Variants in CDH4 observed in about 807,000 individuals in gnomAD.
CDH4 encodes the protein cadherin-4.
A neutral mutation model predicts 86.0 loss-of-function variants in CDH4; 33 were observed. The ratio of observed to expected loss-of-function variants is 0.38; its 90% CI spans 0.29 to 0.51. CDH4 has a LOEUF of 0.51. Ranked by LOEUF, CDH4 falls within the 20% of genes least tolerant of loss-of-function variation. The pLI, the probability that CDH4 is intolerant of heterozygous loss-of-function variation, is 0.86. For missense variants in CDH4, 1,114 were observed against 1,307.4 expected, an observed-to-expected ratio of 0.85 and a Z score of 2.28; for synonymous variants, 555 against 549.4, an observed-to-expected ratio of 1.01 and a Z score of -0.14.
rs772539269 is a variant in CDH4 at position 61,480,706 on chromosome 20, G to A, written c.169+225769G>A. Among the ~76,000 whole-genome samples the A allele has an allele frequency of 1.3e-5, 2 of 152,254 alleles. No homozygotes were observed. The highest frequency in any genetic ancestry group is 2.9e-5 in the Non-Finnish European group (2 of 68,048). ...GGGCATCCGGGTTGTGCCCTGGTAA[G>A]GCGTTGGAACGGCTGAGGCCTGTGG... On this transcript the variant is annotated intron_variant, in intron 2 of 15. Transcript: ENST00000614565. The surrounding 1 kb of genome is among the most constrained non-coding windows in gnomAD (Gnocchi z 5.2).
At chr20:61,378,902 C>G (rs914158999) in intron 2 of CDH4, among the ~76,000 whole-genome samples, 1 of 152,168 alleles carries the variant, frequency 6.6e-6, no homozygotes, top group African/African-American at 2.4e-5. Context: ...TCATCACAAC[C>G]AAGACATTGA....
In CDH4 at chr20:61,845,716, G is replaced by T. The variant is rs190305884; in HGVS notation, c.732+893G>T. Among the ~76,000 whole-genome samples, 620 of 152,304 alleles carry T rather than the reference G, an allele frequency of 4.1e-3. 18 individuals are homozygous for T. Among genetic ancestry groups the T allele is most frequent in the Admixed American group, 0.035 (528 of 15,304 alleles). On this transcript the variant is annotated intron_variant, in intron 5 of 15. Transcript: ENST00000614565. ...GGACTCCAGGGTTAACCCTGGTGAGGCGTTCAGCACAAGCCCGTGCTGTCA... is the reference window on the plus strand; with the variant it reads ...GGACTCCAGGGTTAACCCTGGTGAGTCGTTCAGCACAAGCCCGTGCTGTCA...
intron 5 of CDH4, among the ~76,000 whole-genome samples, chr20:61,845,343 G>A (rs879756494): frequency 2.0e-5 from 3 of 152,248 alleles, no homozygotes; most frequent in African/African-American, 4.8e-5. Context: ...GGAGAGCCGC[G>A]CTGATTCCCT....
intron 2 of CDH4, among the ~76,000 whole-genome samples, chr20:61,440,130 A>G (rs2085306626): frequency 6.6e-6 from 1 of 152,252 alleles, no homozygotes; most frequent in Non-Finnish European, 1.5e-5. Context: ...CGCTATCTTC[A>G]TCATGAAGAT....
rs1026906418 is a variant in CDH4 at position 61,663,262 on chromosome 20, C to T, written c.170-80301C>T. Among the ~76,000 whole-genome samples the T allele has an allele frequency of 1.3e-5, 2 of 152,188 alleles. No homozygotes were observed. The highest frequency in any genetic ancestry group is 1.9e-4 in the East Asian group (1 of 5,190). On this transcript the variant is annotated intron_variant, in intron 2 of 15. Transcript: ENST00000614565. This position sits in a 1 kb window ranked among gnomAD's most constrained non-coding sequence, Gnocchi z 5.0. ...AGAGGAGCTTTCATCGAGGGCTTGGCGCCCACGACAAATGAGTCCACGCAG... is the reference window on the plus strand; with the variant it reads ...AGAGGAGCTTTCATCGAGGGCTTGGTGCCCACGACAAATGAGTCCACGCAG...
At chr20:61,390,098 GTA>G in intron 2 of CDH4, among the ~76,000 whole-genome samples, 1 of 150,406 alleles carries the variant, frequency 6.6e-6, no homozygotes, top group African/African-American at 2.5e-5. Flanking sequence ...AGTTGAGATC[GTA>G]TGGTCATAGG....
chr20:61,795,323 A>G (rs926079101), intron 4 of CDH4, among the ~76,000 whole-genome samples: 2 of 151,790 alleles, frequency 1.3e-5, no homozygotes, highest in African/African-American at 2.4e-5. Flanking sequence ...TTTCTTCACC[A>G]TAGTATCCTG....
intron 2 of CDH4, among the ~76,000 whole-genome samples, chr20:61,395,742 C>T (rs536876325): frequency 6.9e-4 from 105 of 152,232 alleles, no homozygotes; most frequent in African/African-American, 2.4e-3. Context: ...ATGGCGTCAC[C>T]GCATTCCAGC....
At chr20:61,300,684 C>T (rs572131116) in intron 2 of CDH4, among the ~76,000 whole-genome samples, 79 of 152,330 alleles carry the variant, frequency 5.2e-4, no homozygotes, top group African/African-American at 1.9e-3. Flanking sequence ...GCCCCCACAC[C>T]CAGCCTTCCT....
chr20:61,687,905 G>T (rs1047747328), intron 2 of CDH4, among the ~76,000 whole-genome samples: 3 of 152,206 alleles, frequency 2.0e-5, no homozygotes, highest in Non-Finnish European at 4.4e-5. Context: ...GGGTTTTTTA[G>T]TATTCAGGTC....
chr20:61,359,507 A>G (rs1220625620), intron 2 of CDH4, among the ~76,000 whole-genome samples: 1 of 152,182 alleles, frequency 6.6e-6, no homozygotes, highest in Non-Finnish European at 1.5e-5. Context: ...TCCACGCGGC[A>G]GGTTTGAAGG....
At chr20:61,809,975 T>C (rs1980346390) in intron 4 of CDH4, among the ~76,000 whole-genome samples, 1 of 152,146 alleles carries the variant, frequency 6.6e-6, no homozygotes, top group Admixed American at 6.5e-5. Context: ...CTGGCTGCCC[T>C]GTAGAAGACC....
Position 61,811,440 on chromosome 20 carries a change from A to G in CDH4, c.577-33228A>G, listed in dbSNP as rs886373172. Among the ~76,000 whole-genome samples, 4 of 152,212 alleles carry G rather than the reference A, an allele frequency of 2.6e-5. No individual in the cohort carries two copies. The highest frequency in any genetic ancestry group is 9.7e-5 in the African/African-American group (4 of 41,448). On this transcript the variant is annotated intron_variant, in intron 4 of 15. Transcript: ENST00000614565. This position sits in a 1 kb window ranked among gnomAD's most constrained non-coding sequence, Gnocchi z 4.4. The stretch of plus-strand genomic sequence containing the variant: ...TTTGACAATCTGAAGCAAGGAAAAA[A>G]CAGCAGACATCTATCTGTATGCTTT...
chr20:61,367,867 C>CTTTTTTTT, intron 2 of CDH4, among the ~76,000 whole-genome samples: 1 of 119,078 alleles, frequency 8.4e-6, no homozygotes, highest in Non-Finnish European at 1.7e-5. Flanking sequence ...TCTCCAGGAT[C>CTTTTTTTT]TTTTTTTTTT....
In CDH4 at chr20:61,700,920, A is replaced by G. The variant is rs2087768688; in HGVS notation, c.170-42643A>G. On this transcript the variant is annotated intron_variant, in intron 2 of 15. Transcript: ENST00000614565. ...ACGGCGGCTCCCCCCTTTTTTGCAG[A>G]ACACTTTCAAAGGTGTATTCGTGTT... Among the ~76,000 whole-genome samples the G allele has an allele frequency of 2.0e-5, 3 of 152,252 alleles. No individual in the cohort carries two copies. In the South Asian group the frequency reaches 6.2e-4, roughly 32 times the overall value.
At position 61,286,932 on chromosome 20, in the gene CDH4, G is replaced by A. The variant is rs1398670758; in HGVS notation, c.169+31995G>A. ...CAAGTTAACTCCAGAGAAGCCGATT[G>A]TCTTAAACATACTGGATGTCACCCT... On this transcript the variant is annotated intron_variant, in intron 2 of 15. Transcript: ENST00000614565. 1.3e-5 allele frequency among the ~76,000 whole-genome samples: 2 copies of A among 152,218 alleles called. 1 individual carries two copies. Among genetic ancestry groups the A allele is most frequent in the Admixed American group, 1.3e-4 (2 of 15,284 alleles).
At chr20:61,904,423 T>C (rs1309502518) in intron 8 of CDH4, among the ~76,000 whole-genome samples, 1 of 152,098 alleles carries the variant, frequency 6.6e-6, no homozygotes, top group Non-Finnish European at 1.5e-5. Context: ...GTCTCTCCCC[T>C]GGCCCCCTTC....
At chr20:61,785,560 C>T (rs1315127386) in intron 4 of CDH4, among the ~76,000 whole-genome samples, 1 of 152,082 alleles carries the variant, frequency 6.6e-6, no homozygotes, top group Admixed American at 6.5e-5. Flanking sequence ...GAGCCCTCAC[C>T]CAGCTGGATA....
intron 7 of CDH4, among the ~76,000 whole-genome samples, chr20:61,883,090 C>T (rs1022930077): frequency 6.6e-6 from 1 of 151,980 alleles, no homozygotes; most frequent in Non-Finnish European, 1.5e-5. Flanking sequence ...GGCCCCATTC[C>T]CCCGGCACCC....
Sources: gnomAD v4.1 joint callset for allele counts (sites outside exome capture counted in the v4.1 genomes callset) on GRCh38, gnomAD v4.1.1 for gene constraint, Gnocchi (gnomAD v3.1) non-coding constraint, MANE v1.5 for transcripts, NCBI Gene and HGNC (gene_info 2026-07-23, HGNC 2026-07-21) for gene names.